KDM7A: variants seen among roughly 807,000 people sequenced by gnomAD.
KDM7A encodes lysine-specific demethylase 7A.
KDM7A carries 28 observed loss-of-function variants against 114.8 expected under a neutral mutation model. The ratio of observed to expected loss-of-function variants is 0.24; its 90% CI spans 0.18 to 0.33. The LOEUF is 0.33. Ranked by LOEUF, KDM7A falls within the 10% of genes least tolerant of loss-of-function variation. The probability of loss-of-function intolerance (pLI) is 1.00; values close to 1 mark genes in which losing one functional copy is unlikely to be tolerated. For synonymous variants in KDM7A, 423 were observed against 397.8 expected (o/e 1.06, Z -0.75); for missense variants, 942 against 1,142.5 (o/e 0.82, Z 2.53).
At chr7:140,100,711 C>CGTGT (rs1818200108) in intron 12 of KDM7A, among the ~76,000 whole-genome samples, 2 of 56,980 alleles carry the variant, frequency 3.5e-5, no homozygotes, top group African/African-American at 1.1e-4. Flanking sequence ...TATATATACA[C>CGTGT]ATATATATAT....
chr7:140,099,059 G>T, intron 13 of KDM7A, 26 bp from the exon 14 acceptor site: 1 of 1,580,494 alleles, frequency 6.3e-7, no homozygotes. Flanking sequence ...AAAGTAATCA[G>T]AATATAGTGC....
At chr7:140,100,737 TATATACA>T (rs1562946163) in intron 12 of KDM7A, among the ~76,000 whole-genome samples, 40 of 50,158 alleles carry the variant, frequency 8.0e-4, no homozygotes, top group African/African-American at 2.1e-3. Context: ...TATATATATA[TATATACA>T]TATATATTTT....
At chr7:140,164,287 T>C (rs747097308) in intron 1 of KDM7A, among the ~76,000 whole-genome samples, 4 of 152,164 alleles carry the variant, frequency 2.6e-5, no homozygotes, top group Non-Finnish European at 4.4e-5. Flanking sequence ...GTTAAAGACC[T>C]GAAAGAAAAA....
chr7:140,161,481 TATCCAGGTCAC>T (rs1794517699), intron 1 of KDM7A, among the ~76,000 whole-genome samples: 1 of 152,250 alleles, frequency 6.6e-6, no homozygotes, highest in Non-Finnish European at 1.5e-5. Flanking sequence ...AATGGAAATA[TATCCAGGTCAC>T]ATCTCCATGA....
chr7:140,144,430 C>T (rs565657338), intron 1 of KDM7A, among the ~76,000 whole-genome samples: 87 of 152,128 alleles, frequency 5.7e-4, no homozygotes, highest in African/African-American at 1.6e-3. Flanking sequence ...TTCAAGGGTT[C>T]GGATCAGAAT....
intron 3 of KDM7A, 73 bp downstream of exon 3, chr7:140,133,466 T>C: frequency 2.4e-6 from 2 of 848,180 alleles, no homozygotes; most frequent in Non-Finnish European, 3.8e-6. Flanking sequence ...AACATTGCCT[T>C]TATATAATGT....
intron 1 of KDM7A, among the ~76,000 whole-genome samples, chr7:140,171,946 G>A (rs935733315): frequency 6.6e-6 from 1 of 152,118 alleles, no homozygotes; most frequent in Non-Finnish European, 1.5e-5. Flanking sequence ...GTTACAGTTT[G>A]GGGACAACAT....
intron 3 of KDM7A, among the ~76,000 whole-genome samples, chr7:140,130,689 CAACT>C (rs1361495326): frequency 6.6e-6 from 1 of 151,934 alleles, no homozygotes; most frequent in Non-Finnish European, 1.5e-5. Flanking sequence ...AAATTCTACA[CAACT>C]ATCTAAAGTC....
chr7:140,168,765 G>C (rs1273562447), intron 1 of KDM7A, among the ~76,000 whole-genome samples: 1 of 152,138 alleles, frequency 6.6e-6, no homozygotes, highest in Non-Finnish European at 1.5e-5. Flanking sequence ...CTGTAATCTA[G>C]CTAGCAAATT....
At chr7:140,108,931 T>A (rs1041701911) in intron 11 of KDM7A, among the ~76,000 whole-genome samples, 26 of 152,196 alleles carry the variant, frequency 1.7e-4, no homozygotes, top group Middle Eastern at 3.2e-3. Context: ...AGTTTGAGCT[T>A]CCTGGCTGCT....
intron 1 of KDM7A, among the ~76,000 whole-genome samples, chr7:140,170,210 G>A (rs943658568): frequency 4.6e-5 from 7 of 152,114 alleles, no homozygotes; most frequent in African/African-American, 1.7e-4. Flanking sequence ...TGAAAGCGGA[G>A]TTAAATTATA....
intron 1 of KDM7A, among the ~76,000 whole-genome samples, chr7:140,171,092 C>T (rs1562962596): frequency 7.4e-6 from 1 of 135,936 alleles, no homozygotes. Flanking sequence ...ACAACAACAA[C>T]AAAAGACTTC....
chr7:140,100,660 T>TTATATATATATATATACATATATATATA (rs1818185180), intron 12 of KDM7A, among the ~76,000 whole-genome samples: 2 of 111,300 alleles, frequency 1.8e-5, no homozygotes, highest in Non-Finnish European at 3.6e-5. Context: ...TTTTAAAAAG[T>TTATATATATATATATACATATATATATA]TATATATATA....
At chr7:140,136,375 C>T (rs1438258293) in intron 2 of KDM7A, among the ~76,000 whole-genome samples, 2 of 152,168 alleles carry the variant, frequency 1.3e-5, no homozygotes, top group Non-Finnish European at 2.9e-5. Context: ...ATACAATTGT[C>T]CTGTTGGGCC....
chr7:140,135,221 T>C (rs2116814868), intron 2 of KDM7A, among the ~76,000 whole-genome samples: 1 of 151,168 alleles, frequency 6.6e-6, no homozygotes. Flanking sequence ...TTTTTTTTTT[T>C]TGAGACAGAG....
intron 18 of KDM7A, 57 bp from the exon 19 acceptor site, chr7:140,092,134 A>G: frequency 1.3e-6 from 2 of 1,545,016 alleles, no homozygotes; most frequent in Non-Finnish European, 1.8e-6. Context: ...GAGGTATTTA[A>G]GCTCTCTATG....
intron 19 of KDM7A, 122 bp downstream of exon 19, chr7:140,091,682 C>CT (rs1377132421): frequency 9.3e-7 from 1 of 1,076,838 alleles, no homozygotes; most frequent in African/African-American, 1.6e-5. Context: ...ACTGCCATCA[C>CT]TATGCTGTCT....
intron 1 of KDM7A, among the ~76,000 whole-genome samples, chr7:140,140,659 A>G (rs1383129455): frequency 1.3e-5 from 2 of 151,812 alleles, no homozygotes; most frequent in African/African-American, 4.8e-5. Context: ...CTGTAATCCC[A>G]GCCACTTGGG....
intron 1 of KDM7A, among the ~76,000 whole-genome samples, chr7:140,154,204 G>A (rs572985663): frequency 1.3e-5 from 2 of 152,042 alleles, no homozygotes; most frequent in East Asian, 3.9e-4. Flanking sequence ...AAAGTGTCCT[G>A]GACAGGCACA....
Sources: gnomAD v4.1 joint callset for allele counts (sites outside exome capture counted in the v4.1 genomes callset) on GRCh38, gnomAD v4.1.1 for gene constraint, MANE v1.5 for transcripts, NCBI Gene and HGNC (gene_info 2026-07-23, HGNC 2026-07-21) for gene names.